The following MYH14 variants were observed in gnomAD, a reference collection of about 807,000 sequenced individuals.
MYH14 encodes myosin heavy chain 14, also known as myosin-14.
A neutral mutation model predicts 255.5 loss-of-function variants in MYH14; 123 were observed. The ratio of observed to expected loss-of-function variants is 0.48; its 90% CI spans 0.42 to 0.56. The LOEUF (loss-of-function observed/expected upper bound fraction) is 0.56, where lower values mean the gene tolerates loss of function less well. MYH14 is among the 20% of genes least tolerant of loss of function. MYH14 has a pLI of 0.00. For synonymous variants in MYH14, 1,095 were observed against 1,161.2 expected (o/e 0.94, Z 1.16); for missense variants, 2,423 against 2,802.3 (o/e 0.86, Z 3.06).
intron 27 of MYH14, among the ~76,000 whole-genome samples, chr19:50,273,654 T>G (rs2035401905): frequency 6.7e-6 from 1 of 149,558 alleles, no homozygotes; most frequent in South Asian, 2.1e-4. Flanking sequence ...GTCTTTGTTT[T>G]GTTTTGAAAC....
At chr19:50,245,497 A>G (rs1038080555) in intron 11 of MYH14, among the ~76,000 whole-genome samples, 2 of 151,982 alleles carry the variant, frequency 1.3e-5, no homozygotes, top group African/African-American at 2.4e-5. Flanking sequence ...ATTACCCATA[A>G]TCATATTCCC....
rs1000786887 is a variant in MYH14, at chr19:50,266,598, G to C, written c.2695-279G>C. Among the ~76,000 whole-genome samples, 1 of 151,926 alleles carries C rather than the reference G, an allele frequency of 6.6e-6. No homozygotes were observed. Among genetic ancestry groups the C allele is most frequent in the Non-Finnish European group, 1.5e-5 (1 of 67,966 alleles). On this transcript the variant is annotated intron_variant, in intron 22 of 42. Transcript: ENST00000642316. The surrounding 1 kb of genome is among the most constrained non-coding windows in gnomAD (Gnocchi z 4.1). ...GGGAGGAAAAAAGGAAGGAAGGAAG[G>C]ACTGTTCCACAGAATAGCAGCAGCC... is the stretch of plus-strand genomic sequence containing the variant.
chr19:50,291,362 C>T (rs916470259), intron 36 of MYH14, among the ~76,000 whole-genome samples: 2 of 151,278 alleles, frequency 1.3e-5, no homozygotes, highest in Non-Finnish European at 2.9e-5. Flanking sequence ...AGTGCAGCGA[C>T]GTGATCTCAG....
At chr19:50,249,607 T>A (rs1481236245) in intron 13 of MYH14, 43 bp from the exon 14 acceptor site, 2 of 1,612,652 alleles carry the variant, frequency 1.2e-6, no homozygotes, top group African/African-American at 2.7e-5. Context: ...TGGGTCTCTG[T>A]CCCTCTCCAT....
chr19:50,289,980 T>C (rs1030104155), intron 35 of MYH14, among the ~76,000 whole-genome samples: 1 of 152,100 alleles, frequency 6.6e-6, no homozygotes, highest in Admixed American at 6.5e-5. Context: ...CCTGTTGACC[T>C]GTTGCTGTAC....
chr19:50,254,864 C>T (rs778931045), intron 16 of MYH14, among the ~76,000 whole-genome samples: 11 of 152,190 alleles, frequency 7.2e-5, no homozygotes, highest in Non-Finnish European at 1.6e-4. Flanking sequence ...CAACAAGTGG[C>T]CTGGGAGCAT....
Position 50,301,757 on chromosome 19 carries a change from C to T in MYH14, c.5566C>T (p.Arg1856Trp), listed in dbSNP as rs539875477. The T allele has an allele frequency of 2.4e-5, 39 of 1,613,870 alleles. No individual in the cohort carries two copies. The East Asian group carries it at 5.1e-4, about 21-fold the overall frequency. ...GCTGGAACGGCAGATCCAGGAGCTACGGGGACGCCTGGGTGAGGAGGATGC... is the reference window on the plus strand; with the variant it reads ...GCTGGAACGGCAGATCCAGGAGCTATGGGGACGCCTGGGTGAGGAGGATGC... The part of the protein sequence containing the change: ...QQLERQIQEL[R>W]GRLGEEDAGA... Residue 1856 changes from arginine to tryptophan, a missense_variant, in exon 40 of 43, where the codon CGG becomes TGG. Arg to Trp is a moderately radical substitution (Grantham distance 101). This residue lies in a region of MYH14 where 1,513 missense variants were observed against 1,674.8 expected (regional missense o/e 0.90). Transcript: ENST00000642316.
At chr19:50,244,070 G>T (rs779315391) in intron 10 of MYH14, among the ~76,000 whole-genome samples, 172 bp from the exon 11 acceptor site, 2 of 151,432 alleles carry the variant, frequency 1.3e-5, no homozygotes, top group Non-Finnish European at 2.9e-5. Context: ...CGGCCTCCCA[G>T]AGTGCTGGGA....
rs767243012 is a variant in MYH14 at position 50,263,302 on chromosome 19, C to T, written c.2586-10C>T. On this transcript the variant is annotated splice_polypyrimidine_tract_variant and intron_variant, in intron 21 of 42. Coordinates refer to ENST00000642316, the MANE Select transcript of MYH14 (RefSeq NM_001145809.2). ...CTCCCACTCTGCCCCTCACCCATTTCCCCACCCAGGGCCTTCCAGAAGCGC... is the reference window on the plus strand; with the variant it reads ...CTCCCACTCTGCCCCTCACCCATTTTCCCACCCAGGGCCTTCCAGAAGCGC... 1 of 1,522,898 alleles carries T rather than the reference C, an allele frequency of 6.6e-7. No homozygotes were observed. Among genetic ancestry groups the T allele is most frequent in the Non-Finnish European group, 8.8e-7 (1 of 1,129,980 alleles). The allele number at this position is 1,522,898 out of a possible 1,614,324, so 94.3% of individuals were successfully genotyped here.
At chr19:50,260,866 T>C (rs1426654828) in intron 20 of MYH14, among the ~76,000 whole-genome samples, 151 bp downstream of exon 20, 2 of 150,714 alleles carry the variant, frequency 1.3e-5, no homozygotes, top group African/African-American at 2.5e-5. Flanking sequence ...TGCATGCATA[T>C]GTGTGCATGC....
At chr19:50,251,538 ACACACACACACACAC>A (rs2034392426) in intron 15 of MYH14, among the ~76,000 whole-genome samples, 1 of 108,720 alleles carries the variant, frequency 9.2e-6, no homozygotes, top group Non-Finnish European at 2.0e-5. Context: ...ACACACACAC[ACACACACACACACAC>A]ACACACACAC....
chr19:50,254,404 C>T (rs1372271668), intron 16 of MYH14, among the ~76,000 whole-genome samples: 11 of 152,118 alleles, frequency 7.2e-5, no homozygotes, highest in Admixed American at 7.2e-4. Context: ...GTTTGATGTT[C>T]AGGAACAGAA....
chr19:50,244,975 C>T (rs2034046048), intron 11 of MYH14, among the ~76,000 whole-genome samples: 1 of 152,218 alleles, frequency 6.6e-6, no homozygotes. Flanking sequence ...CCAGCCTCTG[C>T]ACTCTGCAGA....
At chr19:50,304,327 C>T (rs1288506094) in intron 40 of MYH14, among the ~76,000 whole-genome samples, 3 of 152,184 alleles carry the variant, frequency 2.0e-5, no homozygotes, top group Non-Finnish European at 1.5e-5. Context: ...TGGTGGCTCA[C>T]GCCTGTAATC....
chr19:50,281,487 C>T, intron 32 of MYH14, 107 bp from the exon 33 acceptor site: 2 of 1,471,844 alleles, frequency 1.4e-6, no homozygotes, highest in South Asian at 2.9e-5. Flanking sequence ...TGACCCCTTT[C>T]CCTCTTCAGG....
intron 40 of MYH14, among the ~76,000 whole-genome samples, chr19:50,305,708 A>G (rs561923392): frequency 6.6e-6 from 1 of 151,646 alleles, no homozygotes; most frequent in East Asian, 2.0e-4. Flanking sequence ...CAGGAGGATC[A>G]CTTGAACCCA....
chr19:50,301,731 A>C lies in MYH14; in HGVS notation c.5540A>C (p.Gln1847Pro). Reference sequence around the variant, plus strand: ...GCCAAGGCAGAGAGCGGGCGGCAGCAGCTGGAACGGCAGATCCAGGAGCTA... The same window carrying C: ...GCCAAGGCAGAGAGCGGGCGGCAGCCGCTGGAACGGCAGATCCAGGAGCTA... ...FSAKAESGRQ[Q>P]LERQIQELRG... is the part of the protein sequence containing the mutation. The change falls in exon 40 of 43, where the codon CAG (glutamine) becomes CCG (proline). Residue 1847 changes from glutamine to proline, a missense_variant. This residue lies in a region of MYH14 where 1,513 missense variants were observed against 1,674.8 expected (regional missense o/e 0.90). Coordinates refer to ENST00000642316, the MANE Select transcript of MYH14 (RefSeq NM_001145809.2). The C allele has an allele frequency of 6.2e-7, 1 of 1,613,968 alleles. No individual in the cohort carries two copies. Among genetic ancestry groups the C allele is most frequent in the South Asian group, 1.1e-5 (1 of 91,082 alleles).
intron 40 of MYH14, among the ~76,000 whole-genome samples, chr19:50,303,138 C>G (rs1198126146): frequency 6.6e-6 from 1 of 152,130 alleles, no homozygotes; most frequent in Non-Finnish European, 1.5e-5. Flanking sequence ...GCTTATGAGT[C>G]TTTGGCTAGT....
chr19:50,302,852 A>G (rs1432613594), intron 40 of MYH14, among the ~76,000 whole-genome samples: 1 of 152,214 alleles, frequency 6.6e-6, no homozygotes, highest in African/African-American at 2.4e-5. Flanking sequence ...TGGTGAGCCA[A>G]GATCACGCCA....
Sources: gnomAD v4.1 joint callset for allele counts (sites outside exome capture counted in the v4.1 genomes callset) on GRCh38, gnomAD v4.1.1 for gene constraint, gnomAD v4.1.1 regional missense constraint, Gnocchi (gnomAD v3.1) non-coding constraint, MANE v1.5 for transcripts, NCBI Gene and HGNC (gene_info 2026-07-23, HGNC 2026-07-21) for gene names.